The following HMGB1 variants were observed in gnomAD, a reference collection of about 807,000 sequenced individuals.
HMGB1 encodes high mobility group box 1, also known as high mobility group protein B1.
For missense variants in HMGB1, 79 were observed against 253.5 expected (o/e 0.31, Z 4.67); for synonymous variants, 81 against 84.0 (o/e 0.96, Z 0.19).
At chr13:30,614,302 G>A (rs1950540396) in intron 1 of HMGB1, among the ~76,000 whole-genome samples, 1 of 152,154 alleles carries the variant, frequency 6.6e-6, no homozygotes, top group African/African-American at 2.4e-5. Flanking sequence ...AGATGAAATG[G>A]GATTACACCC....
At chr13:30,483,199 A>G (rs1341773738) in intron 1 of HMGB1, among the ~76,000 whole-genome samples, 1 of 152,072 alleles carries the variant, frequency 6.6e-6, no homozygotes, top group African/African-American at 2.4e-5. Flanking sequence ...TGAGTGAGCA[A>G]AGCAAACACA....
At chr13:30,604,526 C>G (rs1950435616) in intron 1 of HMGB1, among the ~76,000 whole-genome samples, 1 of 152,164 alleles carries the variant, frequency 6.6e-6, no homozygotes, top group Non-Finnish European at 1.5e-5. Flanking sequence ...GACAGCCCTT[C>G]CCCCAACATT....
chr13:30,471,654 C>CTTTTTTTTT (rs1171119586), intron 1 of HMGB1, among the ~76,000 whole-genome samples: 3 of 30,616 alleles, frequency 9.8e-5, no homozygotes, highest in Non-Finnish European at 1.7e-4. Context: ...CGTGCCCGGC[C>CTTTTTTTTT]TTTTTTTTTT....
chr13:30,504,375 G>A (rs995195031), intron 1 of HMGB1, among the ~76,000 whole-genome samples: 4 of 152,168 alleles, frequency 2.6e-5, no homozygotes, highest in Non-Finnish European at 4.4e-5. Context: ...TCTGAAATTT[G>A]TTTTTCACGC....
intron 1 of HMGB1, among the ~76,000 whole-genome samples, chr13:30,518,647 C>T (rs1255591751): frequency 6.6e-6 from 1 of 151,896 alleles, no homozygotes; most frequent in Non-Finnish European, 1.5e-5. Context: ...GAGCATTTAG[C>T]ACAGTGCCTG....
At chr13:30,554,180 A>C in intron 1 of HMGB1, 1 of 1,399,146 alleles carries the variant, frequency 7.1e-7, no homozygotes, top group Admixed American at 1.7e-5. Flanking sequence ...TGAAACCAGA[A>C]CAATATCTCA....
rs1870204247 is a variant in HMGB1, at chr13:30,566,855, T to C, written c.-15+49816A>G. Among the ~76,000 whole-genome samples, 3 of 152,206 alleles carry C rather than the reference T, an allele frequency of 2.0e-5. No individual in the cohort carries two copies. In the South Asian group the frequency reaches 6.2e-4, roughly 31 times the overall value. On this transcript the variant is annotated intron_variant, in intron 1 of 4. Coordinates refer to the HMGB1 transcript ENST00000405805. ...GCAGTGATGAAATATTTGAAATAAT[T>C]GGCTAATTAAACATCACCTAAATAG...
intron 1 of HMGB1, among the ~76,000 whole-genome samples, chr13:30,526,442 A>G (rs1035779645): frequency 6.6e-6 from 1 of 152,240 alleles, no homozygotes; most frequent in African/African-American, 2.4e-5. Context: ...CCCATTTTGC[A>G]GATGATAAAT....
upstream of HMGB1, among the ~76,000 whole-genome samples, chr13:30,470,740 C>T (rs1001199041): frequency 5.3e-5 from 8 of 152,094 alleles, no homozygotes; most frequent in African/African-American, 1.9e-4. Context: ...CCTCTGCCTC[C>T]TGGGTTCAAG....
chr13:30,517,123 G>T (rs1456501173), intron 1 of HMGB1, among the ~76,000 whole-genome samples: 3 of 152,164 alleles, frequency 2.0e-5, no homozygotes, highest in Non-Finnish European at 4.4e-5. Flanking sequence ...CTAGTTCAGT[G>T]GTTCTCAAAC....
chr13:30,512,949 G>C (rs567558853), intron 1 of HMGB1, among the ~76,000 whole-genome samples: 1 of 152,248 alleles, frequency 6.6e-6, no homozygotes, highest in East Asian at 1.9e-4. Context: ...AATCATTTGA[G>C]GTCAGGAGTT....
intron 1 of HMGB1, among the ~76,000 whole-genome samples, chr13:30,582,546 G>GA (rs1403822997): frequency 6.6e-6 from 1 of 152,188 alleles, no homozygotes; most frequent in African/African-American, 2.4e-5. Flanking sequence ...GCTGAGGCCG[G>GA]AGAATGGCAT....
At chr13:30,591,500 A>T (rs906834787) in intron 1 of HMGB1, among the ~76,000 whole-genome samples, 1 of 150,910 alleles carries the variant, frequency 6.6e-6, no homozygotes, top group African/African-American at 2.5e-5. Context: ...TGTAAAGAGC[A>T]CCAGGGATTT....
At chr13:30,605,194 T>C (rs534260344) in intron 1 of HMGB1, among the ~76,000 whole-genome samples, 219 of 152,308 alleles carry the variant, frequency 1.4e-3, no homozygotes, top group African/African-American at 5.1e-3. Flanking sequence ...TATATTAAAC[T>C]TGGAATGCCT....
chr13:30,532,776 G>A (rs555061236), intron 1 of HMGB1, among the ~76,000 whole-genome samples: 1 of 152,116 alleles, frequency 6.6e-6, no homozygotes, highest in East Asian at 1.9e-4. Context: ...GGATTACAGG[G>A]GTGAGCCACC....
intron 1 of HMGB1, among the ~76,000 whole-genome samples, chr13:30,612,404 A>G (rs756807699): frequency 1.1e-4 from 17 of 152,214 alleles, no homozygotes; most frequent in Non-Finnish European, 2.4e-4. Flanking sequence ...GGGGACTAGC[A>G]TTGTCAGCAG....
chr13:30,492,049 T>G (rs1887507694), intron 1 of HMGB1, among the ~76,000 whole-genome samples: 2 of 151,912 alleles, frequency 1.3e-5, no homozygotes, highest in Non-Finnish European at 2.9e-5. Flanking sequence ...GCACCTGTAG[T>G]CCCAGCTACT....
At chr13:30,546,409 C>G (rs1000620553) in intron 1 of HMGB1, among the ~76,000 whole-genome samples, 1 of 152,154 alleles carries the variant, frequency 6.6e-6, no homozygotes, top group South Asian at 2.1e-4. Flanking sequence ...CCACTGAGCC[C>G]GGCCAACCTC....
Position 30,537,652 on chromosome 13 carries a change from C to CATATATATATATAT in HMGB1, c.-14-73972_-14-73959dup, listed in dbSNP as rs58424009. 9.6e-4 allele frequency among the ~76,000 whole-genome samples: 65 copies of CATATATATATATAT among 67,990 alleles called. 2 individuals are homozygous for CATATATATATATAT. Among genetic ancestry groups the CATATATATATATAT allele is most frequent in the Non-Finnish European group, 1.5e-3 (42 of 28,494 alleles). The allele number at this position is 67,990 out of a possible 152,430, so 44.6% of individuals were successfully genotyped here. ...TGGTGGCAATTCATTCATTCTTGTT[C>CATATATATATATAT]ATATATATATATATATATATATATA... On this transcript the variant is annotated intron_variant, in intron 1 of 4. Transcript: ENST00000405805.
Sources: gnomAD v4.1 joint callset for allele counts (sites outside exome capture counted in the v4.1 genomes callset) on GRCh38, gnomAD v4.1.1 for gene constraint, MANE v1.5 for transcripts, NCBI Gene and HGNC (gene_info 2026-07-23, HGNC 2026-07-21) for gene names.